Variants in TFR2 observed in about 807,000 individuals in gnomAD.
TFR2 encodes the protein transferrin receptor protein 2.
TFR2 carries 64 observed loss-of-function variants against 91.9 expected under a neutral mutation model. The ratio of observed to expected loss-of-function variants is 0.70; its 90% CI spans 0.57 to 0.86. TFR2 has a LOEUF of 0.86. TFR2 is among the 40% of genes least tolerant of loss of function. The pLI, the probability that TFR2 is intolerant of heterozygous loss-of-function variation, is 0.00. For synonymous variants in TFR2, 454 were observed against 459.6 expected (o/e 0.99, Z 0.15); for missense variants, 950 against 1,080.5 (o/e 0.88, Z 1.69).
Position 100,633,330 on chromosome 7 carries a change from T to A in TFR2, c.625A>T (p.Asn209Tyr). 1 of 1,613,212 alleles carries A rather than the reference T, an allele frequency of 6.2e-7. No individual in the cohort carries two copies. The highest frequency in any genetic ancestry group is 8.5e-7 in the Non-Finnish European group (1 of 1,179,774). ...GCCTCATCGACCCAGTGCAGGGTGT[T>A]GGGGTGAGCCCTGGGGAGCGGGGCT... ...GLQFPDPAHP[N>Y]TLHWVDEAGK... is the part of the protein sequence containing the mutation. The change falls in exon 5 of 18, where the codon AAC (asparagine) becomes TAC (tyrosine). Residue 209 changes from asparagine (N) to tyrosine (Y), a missense_variant. By Grantham distance (143) the Asn-to-Tyr change is moderately radical. Coordinates refer to ENST00000223051, the MANE Select transcript of TFR2 (RefSeq NM_003227.4).
Position 100,633,129 on chromosome 7 carries a change from G to T in TFR2, c.727-6C>A. The stretch of plus-strand genomic sequence containing the variant: ...TGGGCGTACACCAGCTCTCCCTGGG[G>T]ACACGAGGACGGTGAGGCGCGCTCC... On this transcript the variant is annotated splice_region_variant and splice_polypyrimidine_tract_variant and intron_variant, in intron 5 of 17. Coordinates refer to ENST00000223051, the MANE Select transcript of TFR2 (RefSeq NM_003227.4). 2 of 1,613,340 alleles carry T rather than the reference G, an allele frequency of 1.2e-6. No homozygotes were observed. Among genetic ancestry groups the T allele is most frequent in the Admixed American group, 1.7e-5 (1 of 59,992 alleles).
chr7:100,633,540 C>T lies in TFR2; in HGVS notation c.490G>A (p.Glu164Lys), dbSNP rs754338080. 1.2e-6 allele frequency: 2 copies of T among 1,605,420 alleles called. No homozygotes were observed. The highest frequency in any genetic ancestry group is 4.5e-5 in the East Asian group (2 of 44,836). The stretch of plus-strand genomic sequence containing the variant: ...ATCCCGGCCGAGCCTGCCACCCGTT[C>T]CCGAAGGCTGGTTTGCCTAAGCGGG... ...EDTIRQTSLR[E>K]RVAGSAGMAA... is the part of the protein sequence containing the mutation. Residue 164 changes from glutamate (E) to lysine (K), a missense_variant, in exon 4 of 18, where the codon GAA becomes AAA. Coordinates refer to ENST00000223051, the MANE Select transcript of TFR2 (RefSeq NM_003227.4).
chr7:100,638,032 C>T (rs999455664), intron 3 of TFR2, among the ~76,000 whole-genome samples: 3 of 151,238 alleles, frequency 2.0e-5, no homozygotes, highest in South Asian at 2.1e-4. Context: ...GAGACAGAGT[C>T]TTGCTCTGTC....
At chr7:100,626,446 A>T (rs1235389957) in intron 17 of TFR2, 1 of 871,692 alleles carries the variant, frequency 1.1e-6, no homozygotes, top group Non-Finnish European at 1.5e-6. Flanking sequence ...TCGAGGAGGC[A>T]GTGGGAGCTA....
At position 100,620,983 on chromosome 7, in the gene TFR2, C is replaced by T. The variant is rs1193611482; in HGVS notation, c.2280G>A (p.Gly760=). Residue 760 remains glycine (G), a synonymous_variant, in exon 18 of 18, where the codon GGG becomes GGA. Coordinates refer to ENST00000223051, the MANE Select transcript of TFR2 (RefSeq NM_003227.4). ...LLRSNSSGTP[G]ATSSTGFQES... is the part of the protein sequence containing the mutation. ...CCTGGAAGCCAGTGGAGGAGGTGGC[C>T]CCGGGGGTCCCGGAGCTGTTGGAGC... 6.2e-6 allele frequency: 10 copies of T among 1,610,914 alleles called. No individual in the cohort carries two copies. The highest frequency in any genetic ancestry group is 2.2e-5 in the East Asian group (1 of 44,738).
intron 17 of TFR2, among the ~76,000 whole-genome samples, chr7:100,626,120 C>G (rs1253059078): frequency 6.6e-6 from 1 of 152,096 alleles, no homozygotes; most frequent in Admixed American, 6.6e-5. Context: ...TCCCTACTCA[C>G]CCATTTCTTG....
At position 100,631,453 on chromosome 7, in the gene TFR2, C is replaced by T. The variant is rs568636103; in HGVS notation, c.1106+353G>A. The T allele has an allele frequency of 5.0e-5, 14 of 279,084 alleles. No individual in the cohort carries two copies. In the East Asian group the frequency reaches 1.3e-3, roughly 27 times the overall value. The allele number at this position is 279,084 out of a possible 1,614,324, so 17.3% of individuals were successfully genotyped here. ...ACCAGTCTGGCCAACATGGTGAAAC[C>T]CTCTACTAAAAATACAAAAATTAGC... On this transcript the variant is annotated intron_variant, in intron 8 of 17. Coordinates refer to ENST00000223051, the MANE Select transcript of TFR2 (RefSeq NM_003227.4).
At chr7:100,623,608 A>C (rs1251903454) in intron 17 of TFR2, among the ~76,000 whole-genome samples, 1 of 151,758 alleles carries the variant, frequency 6.6e-6, no homozygotes, top group Non-Finnish European at 1.5e-5. Flanking sequence ...GGAAACCCTC[A>C]TCTCTACAAA....
intron 3 of TFR2, among the ~76,000 whole-genome samples, chr7:100,633,866 G>T (rs574566218): frequency 9.2e-5 from 14 of 151,670 alleles, no homozygotes; most frequent in African/African-American, 2.9e-4. Flanking sequence ...GTGCCATCAC[G>T]CCCGGCTAAT....
At chr7:100,625,259 A>G (rs1427584263) in intron 17 of TFR2, among the ~76,000 whole-genome samples, 2 of 151,766 alleles carry the variant, frequency 1.3e-5, no homozygotes, top group African/African-American at 2.4e-5. Flanking sequence ...GGGTTTCTCC[A>G]TGTTGGTCAG....
chr7:100,631,943 C>T lies in TFR2; in HGVS notation c.969G>A (p.Val323=), dbSNP rs1448823899. The T allele has an allele frequency of 1.9e-6, 3 of 1,613,946 alleles. No homozygotes were observed. In the South Asian group the frequency reaches 3.3e-5, roughly 18 times the overall value. The change falls in exon 8 of 18, where the codon GTG becomes GTA. Residue 323 remains valine (V), a splice_region_variant and synonymous_variant. Coordinates refer to ENST00000223051, the MANE Select transcript of TFR2 (RefSeq NM_003227.4). Reference sequence around the variant, plus strand: ...TGTAGGGGTCTCCAGTTCCCAGGTGCACCTGCAGGGAAAGGGGTGCCCACG... The same window carrying T: ...TGTAGGGGTCTCCAGTTCCCAGGTGTACCTGCAGGGAAAGGGGTGCCCACG... ...LSSQQAVYGH[V]HLGTGDPYTP... is the part of the protein sequence containing the mutation.
In TFR2 at chr7:100,627,518, C is replaced by T. The variant is rs188214826; in HGVS notation, c.1768-27G>A. On this transcript the variant is annotated intron_variant, in intron 15 of 17. Coordinates refer to ENST00000223051, the MANE Select transcript of TFR2 (RefSeq NM_003227.4). ...TGCCAGGACAGGGTGGACGCTGGGG[C>T]GGAGGCAGACAGGCTGAAGGACTAG... 1,494 of 1,613,608 alleles carry T rather than the reference C, an allele frequency of 9.3e-4. 4 individuals carry two copies. The highest frequency in any genetic ancestry group is 2.5e-3 in the Middle Eastern group (15 of 6,060).
intron 3 of TFR2, among the ~76,000 whole-genome samples, chr7:100,634,889 A>T: frequency 6.6e-6 from 1 of 151,814 alleles, no homozygotes; most frequent in Admixed American, 6.6e-5. Flanking sequence ...CTAAATCAGG[A>T]TCCTGGTTAT....
intron 3 of TFR2, among the ~76,000 whole-genome samples, chr7:100,634,787 ATGTTT>A (rs1206497280): frequency 1.3e-5 from 2 of 152,144 alleles, no homozygotes; most frequent in African/African-American, 4.8e-5. Context: ...CTCAGCCTGA[ATGTTT>A]TTCCACAGTC....
At chr7:100,640,038 C>G (rs1460100970) in intron 3 of TFR2, 1 of 152,354 alleles carries the variant, frequency 6.6e-6, no homozygotes, top group African/African-American at 2.4e-5. Context: ...CCCGCCTCCG[C>G]CTCCCAAAGT....
At position 100,623,841 on chromosome 7, in the gene TFR2, G is replaced by A. The variant is rs188904106; in HGVS notation, c.2137-2715C>T. 8.1e-4 allele frequency among the ~76,000 whole-genome samples: 118 copies of A among 145,112 alleles called. 1 individual carries two copies. In the East Asian group the frequency reaches 0.022, roughly 27 times the overall value. On this transcript the variant is annotated intron_variant, in intron 17 of 17. Coordinates refer to ENST00000223051, the MANE Select transcript of TFR2 (RefSeq NM_003227.4). ...GAGGTGAGCAGATCACTTGATGTCA[G>A]GAGTTCAAGACCAGCCTGGCCAACA...
At chr7:100,635,136 C>A (rs931120613) in intron 3 of TFR2, among the ~76,000 whole-genome samples, 3 of 151,730 alleles carry the variant, frequency 2.0e-5, no homozygotes, top group Non-Finnish European at 2.9e-5. Flanking sequence ...GACAGGGTTT[C>A]GGCATGTCGG....
intron 9 of TFR2, among the ~76,000 whole-genome samples, chr7:100,630,014 G>A (rs945281409): frequency 2.6e-5 from 4 of 152,162 alleles, no homozygotes; most frequent in Non-Finnish European, 4.4e-5. Context: ...AAAGTGCTGG[G>A]ATTACAGGCG....
intron 6 of TFR2, 105 bp downstream of exon 6, chr7:100,632,896 T>C: frequency 6.3e-7 from 1 of 1,590,008 alleles, no homozygotes; most frequent in Non-Finnish European, 8.6e-7. Context: ...TCCAGCCACA[T>C]GGTTCTTTCC....
Sources: gnomAD v4.1 joint callset for allele counts (sites outside exome capture counted in the v4.1 genomes callset) on GRCh38, gnomAD v4.1.1 for gene constraint, MANE v1.5 for transcripts, NCBI Gene and HGNC (gene_info 2026-07-23, HGNC 2026-07-21) for gene names.